The following RAI2 variants were observed in gnomAD, a reference collection of about 807,000 sequenced individuals.
The protein encoded by RAI2 is retinoic acid-induced protein 2.
A neutral mutation model predicts 15.3 loss-of-function variants in RAI2; 5 were observed. That is an observed-to-expected ratio of 0.33 (90% confidence interval 0.17 to 0.69). The LOEUF is 0.69. RAI2 is among the 30% of genes least tolerant of loss of function. RAI2 has a pLI of 0.69. For synonymous variants in RAI2, 191 were observed against 184.0 expected (o/e 1.04, Z -0.31); for missense variants, 424 against 424.7 (o/e 1.00, Z 0.01).
chrX:17,825,693 A>G (rs2067218362), intron 1 of RAI2, among the ~76,000 whole-genome samples: 1 of 112,646 alleles, frequency 8.9e-6, no homozygotes, highest in Admixed American at 9.3e-5. Flanking sequence ...CAAGGATGAC[A>G]TCACCACTAC....
intron 1 of RAI2, among the ~76,000 whole-genome samples, chrX:17,827,872 TCCATTTCCAAC>T (rs779043119): frequency 1.1e-3 from 122 of 110,846 alleles, no homozygotes; most frequent in African/African-American, 3.6e-3. Flanking sequence ...AGCTTGGGGG[TCCATTTCCAAC>T]CCAGTATCCC....
At chrX:17,839,587 T>G (rs1047309424) in intron 1 of RAI2, among the ~76,000 whole-genome samples, 3 of 112,630 alleles carry the variant, frequency 2.7e-5, no homozygotes, top group Non-Finnish European at 5.6e-5. Context: ...CAATATCTGT[T>G]GACCATCTGG....
chrX:17,847,515 G>A (rs184498909), intron 1 of RAI2, among the ~76,000 whole-genome samples: 1 of 112,969 alleles, frequency 8.9e-6, no homozygotes, highest in African/African-American at 3.2e-5. Context: ...CCCTTTTGCT[G>A]CCTCTGTTTC....
At chrX:17,850,528 TCACG>T (rs1292489106) in intron 1 of RAI2, among the ~76,000 whole-genome samples, 1 of 112,496 alleles carries the variant, frequency 8.9e-6, no homozygotes, top group Non-Finnish European at 1.9e-5. Context: ...ATTCCATTCT[TCACG>T]TGGGCTTAGG....
Position 17,801,941 on chromosome X carries a change from T to C in RAI2, c.70A>G (p.Arg24Gly). 8.3e-7 allele frequency: 1 copy of C among 1,211,304 alleles called. No individual in the cohort carries two copies. The highest frequency in any genetic ancestry group is 1.1e-6 in the Non-Finnish European group (1 of 895,328). ...TDSPPALANN[R>G]LENGMAQLIT... The stretch of plus-strand genomic sequence containing the variant: ...AGCTGAGCCATGCCATTCTCCAGTC[T>C]GTTATTAGCCAAGGCAGGAGGGGAG... The change falls in exon 2 of 2, where the codon AGA (arginine) becomes GGA (glycine). Residue 24 changes from arginine (R) to glycine (G), a missense_variant. Arg to Gly is a moderately radical substitution (Grantham distance 125). Coordinates refer to ENST00000451717, the MANE Select transcript of RAI2 (RefSeq NM_021785.6).
At chrX:17,802,075 C>A in intron 1 of RAI2, 41 bp from the exon 2 acceptor site, 1 of 1,139,539 alleles carries the variant, frequency 8.8e-7, no homozygotes, top group South Asian at 2.1e-5. Context: ...CCTTAAAAGA[C>A]TATTTATAAT....
At chrX:17,842,335 G>C (rs1468603567) in intron 1 of RAI2, among the ~76,000 whole-genome samples, 1 of 111,504 alleles carries the variant, frequency 9.0e-6, no homozygotes, top group Non-Finnish European at 1.9e-5. Context: ...GTTAGTCTCA[G>C]GAGCTGATGC....
chrX:17,851,387 C>A (rs1016039958), intron 1 of RAI2, among the ~76,000 whole-genome samples: 2 of 111,838 alleles, frequency 1.8e-5, no homozygotes, highest in Admixed American at 9.4e-5. Flanking sequence ...GGAAAGGAAA[C>A]GGTAACATTG....
chrX:17,803,004 G>A (rs1298146985), intron 1 of RAI2, among the ~76,000 whole-genome samples: 1 of 111,606 alleles, frequency 9.0e-6, no homozygotes, highest in African/African-American at 3.3e-5. Context: ...CAGGCACCAT[G>A]TCTAACTCAG....
chrX:17,821,015 T>C lies in RAI2; in HGVS notation c.-24-18981A>G, dbSNP rs778353704. Among the ~76,000 whole-genome samples the C allele has an allele frequency of 1.4e-4, 16 of 111,983 alleles. No homozygotes were observed. In the South Asian group the frequency reaches 5.6e-3, roughly 39 times the overall value. ...CCTAGGCTCAAGAAATCCTCCCACC[T>C]TAGCCTCCCAAGTAGCTGGGACTAT... On this transcript the variant is annotated intron_variant, in intron 1 of 1. Transcript: ENST00000451717.
intron 1 of RAI2, among the ~76,000 whole-genome samples, chrX:17,824,234 C>G (rs2067202434): frequency 8.9e-6 from 1 of 112,322 alleles, no homozygotes; most frequent in Non-Finnish European, 1.9e-5. Flanking sequence ...TTTGGAATCA[C>G]CTCAAGGAAA....
intron 1 of RAI2, among the ~76,000 whole-genome samples, chrX:17,805,097 A>T (rs755685568): frequency 3.6e-5 from 4 of 112,441 alleles, no homozygotes; most frequent in Non-Finnish European, 5.6e-5. Context: ...TTCCACAGGG[A>T]GATTAAATAA....
intron 1 of RAI2, among the ~76,000 whole-genome samples, chrX:17,849,535 T>C (rs780617062): frequency 2.1e-4 from 24 of 112,598 alleles, no homozygotes; most frequent in Non-Finnish European, 3.2e-4. Context: ...TAAAATAATA[T>C]ATGTAAATCA....
chrX:17,805,139 C>T (rs2066962773), intron 1 of RAI2, among the ~76,000 whole-genome samples: 1 of 112,746 alleles, frequency 8.9e-6, no homozygotes, highest in South Asian at 3.6e-4. Flanking sequence ...GCTGGGCTTC[C>T]CAGGCTTCCC....
At chrX:17,812,528 G>C (rs116403937) in intron 1 of RAI2, among the ~76,000 whole-genome samples, 5,471 of 111,726 alleles carry the variant, frequency 0.049, 319 homozygotes, top group African/African-American at 0.17. Context: ...GCCTGGGGGA[G>C]AAAGAAAAGG....
chrX:17,854,984 G>A (rs1016249960), intron 1 of RAI2, among the ~76,000 whole-genome samples: 6 of 111,446 alleles, frequency 5.4e-5, no homozygotes, highest in African/African-American at 2.0e-4. Context: ...TTTATGCCAT[G>A]ACCAGTGCCT....
intron 1 of RAI2, among the ~76,000 whole-genome samples, chrX:17,847,240 C>T (rs995961638): frequency 5.3e-5 from 6 of 112,354 alleles, no homozygotes; most frequent in Non-Finnish European, 1.1e-4. Context: ...CCTCCCCATC[C>T]GCTGCACTCC....
Position 17,800,687 on chromosome X carries a change from A to G in RAI2, c.1324T>C (p.Ser442Pro). The G allele has an allele frequency of 2.5e-6, 3 of 1,211,555 alleles. No individual in the cohort carries two copies. Among genetic ancestry groups the G allele is most frequent in the African/African-American group, 3.5e-5 (2 of 57,725 alleles). ...ATGGTAGGCACAGCATCTTCGACAG[A>G]GACAATGACCTTGGCCGCCTGGGAC... ...GESQAAKVIV[S>P]VEDAVPTIFC... Residue 442 changes from serine (S) to proline (P), a missense_variant, in exon 2 of 2, where the codon TCT becomes CCT. Ser to Pro is a moderately conservative substitution (Grantham distance 74). Coordinates refer to ENST00000451717, the MANE Select transcript of RAI2 (RefSeq NM_021785.6).
intron 1 of RAI2, among the ~76,000 whole-genome samples, chrX:17,808,345 A>G (rs546829950): frequency 1.8e-5 from 2 of 110,725 alleles, no homozygotes; most frequent in Admixed American, 1.9e-4. Context: ...ATGTGTATGC[A>G]CATTAAAGTC....
Sources: allele counts gnomAD v4.1 joint callset (sites outside exome capture counted in the v4.1 genomes callset), GRCh38; gene constraint gnomAD v4.1.1; transcripts MANE v1.5; gene names NCBI Gene and HGNC (gene_info 2026-07-23, HGNC 2026-07-21).